The following ERBB2 variants were observed in gnomAD, a reference collection of about 807,000 sequenced individuals.
ERBB2 encodes the protein erb-b2 receptor tyrosine kinase 2.
In ERBB2, 61 loss-of-function variants were observed where a neutral mutation model predicts 149.0. That is an observed-to-expected ratio of 0.41 (90% CI 0.33 to 0.51). ERBB2 has a LOEUF of 0.51. ERBB2 is among the 20% of genes least tolerant of loss of function. The pLI, the probability that ERBB2 is intolerant of heterozygous loss-of-function variation, is 0.25. For missense variants in ERBB2, 1,205 were observed against 1,655.1 expected, an observed-to-expected ratio of 0.73 and a Z score of 4.72; for synonymous variants, 633 against 678.8, an observed-to-expected ratio of 0.93 and a Z score of 1.05.
At chr17:39,703,473 C>T (rs1482014095) in intron 1 of ERBB2, 1 of 152,204 alleles carries the variant, frequency 6.6e-6, no homozygotes, top group Non-Finnish European at 1.5e-5. Flanking sequence ...ATTATTCTAG[C>T]GAATGTTTGT....
At chr17:39,714,916 C>T (rs1336847230) in intron 9 of ERBB2, among the ~76,000 whole-genome samples, 4 of 151,606 alleles carry the variant, frequency 2.6e-5, no homozygotes, top group East Asian at 1.9e-4. Context: ...ACTATAGGCG[C>T]GCGGCACCAC....
chr17:39,717,236 A>C (rs2059184159), intron 14 of ERBB2, 84 bp from the exon 15 acceptor site: 1 of 1,223,136 alleles, frequency 8.2e-7, no homozygotes, highest in South Asian at 1.7e-5. Context: ...TGGGAAGCAC[A>C]AAGGGGACCC....
Position 39,725,477 on chromosome 17 carries a change from G to C in ERBB2, c.2725+75G>C. ...GGGAGGATGAGAGCTGGGATGGGGA[G>C]AATTACGGGGCCACCTCAGCATGTG... On this transcript the variant is annotated intron_variant, in intron 22 of 26. Transcript: ENST00000269571. This position sits in a 1 kb window ranked among gnomAD's most constrained non-coding sequence, Gnocchi z 4.6. The C allele has an allele frequency of 1.4e-6, 2 of 1,466,514 alleles. No individual in the cohort carries two copies. The highest frequency in any genetic ancestry group is 2.3e-5 in the South Asian group (2 of 86,408). The allele number at this position is 1,466,514 out of a possible 1,614,324, so 90.8% of individuals were successfully genotyped here.
In ERBB2 at chr17:39,725,227, A is replaced by G. The variant is rs776323888; in HGVS notation, c.2649+23A>G. ...AAGGTTAGGTGAAGGACCAAGGAGC[A>G]GAGGAGGCTGGGTGGAGTGGTGTCT... On this transcript the variant is annotated intron_variant, in intron 21 of 26. Transcript: ENST00000269571. This position sits in a 1 kb window ranked among gnomAD's most constrained non-coding sequence, Gnocchi z 4.6. The G allele has an allele frequency of 5.0e-6, 8 of 1,614,126 alleles. 1 individual carries two copies. In the South Asian group the frequency reaches 7.7e-5, roughly 16 times the overall value.
upstream of ERBB2, among the ~76,000 whole-genome samples, chr17:39,698,708 T>C (rs1440567573): frequency 6.6e-6 from 1 of 152,080 alleles, no homozygotes; most frequent in Non-Finnish European, 1.5e-5. Flanking sequence ...AGTGTATACC[T>C]GTAAAGAGGT....
At chr17:39,691,039 A>G (rs995116526), upstream of ERBB2, among the ~76,000 whole-genome samples, 4 of 151,180 alleles carry the variant, frequency 2.6e-5, no homozygotes, top group African/African-American at 9.7e-5. Flanking sequence ...TCCGTTTCAA[A>G]AAAAAAAAAA....
At position 39,724,903 on chromosome 17, in the gene ERBB2, AT is replaced by A; in HGVS notation, c.2487del (p.Ile829MetfsTer5). The A allele has an allele frequency of 6.2e-7, 1 of 1,613,996 alleles. No individual in the cohort carries two copies. The highest frequency in any genetic ancestry group is 8.5e-7 in the Non-Finnish European group (1 of 1,179,888). On this transcript the variant is annotated frameshift_variant, in exon 20 of 27. Transcript: ENST00000269571. LOFTEE classifies it high-confidence loss of function. ...SQDLLNWCMQIAKGMSYLEDV... is the reference protein window; with the variant it reads ...SQDLLNWCMQXAKGMSYLEDV... ...GGACCTGCTGAACTGGTGTATGCAG[AT>A]TGCCAAGGTATGCACCTGGGCTCTT...
At chr17:39,712,243 C>A (rs752991224) in intron 8 of ERBB2, 79 bp from the exon 9 acceptor site, 33 of 1,593,634 alleles carry the variant, frequency 2.1e-5, no homozygotes, top group Non-Finnish European at 1.7e-6. Context: ...GGCCCGGACC[C>A]TGATGCTCAT....
intron 19 of ERBB2, 36 bp downstream of exon 19, chr17:39,724,046 G>A (rs1209117508): frequency 1.3e-6 from 2 of 1,494,316 alleles, no homozygotes; most frequent in South Asian, 2.3e-5. Context: ...AGGAGGACAG[G>A]AAGGACCCCA....
chr17:39,712,129 C>T, intron 8 of ERBB2, 82 bp downstream of exon 8: 1 of 1,600,070 alleles, frequency 6.2e-7, no homozygotes, highest in Non-Finnish European at 8.5e-7. Flanking sequence ...CCTGTCCTAT[C>T]CTTCCTCAGA....
chr17:39,715,004 G>A (rs1385892915), intron 9 of ERBB2, among the ~76,000 whole-genome samples: 1 of 152,104 alleles, frequency 6.6e-6, no homozygotes, highest in East Asian at 1.9e-4. Flanking sequence ...TCTTGACTTC[G>A]TGATCCGCCC....
In ERBB2 at chr17:39,723,183, A is replaced by T. The variant is rs2059540680; in HGVS notation, c.1947-136A>T. 1 of 869,364 alleles carries T rather than the reference A, an allele frequency of 1.2e-6. No homozygotes were observed. The highest frequency in any genetic ancestry group is 1.7e-5 in the South Asian group (1 of 59,502). The allele number at this position is 869,364 out of a possible 1,614,324, so 53.9% of individuals were successfully genotyped here. ...GAGCCAAGGCAGGTTTTAGAGTAGG[A>T]GAGGGTCCAAGCCTGTGGGTCACCC... On this transcript the variant is annotated intron_variant, in intron 16 of 26. Transcript: ENST00000269571. This position sits in a 1 kb window ranked among gnomAD's most constrained non-coding sequence, Gnocchi z 6.2.
upstream of ERBB2, among the ~76,000 whole-genome samples, chr17:39,692,871 T>C (rs1340151500): frequency 2.0e-5 from 3 of 151,256 alleles, no homozygotes; most frequent in Non-Finnish European, 4.4e-5. Context: ...AAGACCGGCC[T>C]GACCAAAACG....
upstream of ERBB2, among the ~76,000 whole-genome samples, chr17:39,691,904 T>TAGATATAGATAC (rs1386573320): frequency 1.4e-4 from 16 of 114,536 alleles, no homozygotes; most frequent in South Asian, 2.6e-4. Context: ...GATATAGATA[T>TAGATATAGATAC]ATATACATAT....
rs2059722046 is a variant in ERBB2 at position 39,725,790 on chromosome 17, A to G, written c.2809A>G (p.Lys937Glu). ...CCGGGAGATCCCTGACCTGCTGGAAAAGGGGGAGCGGCTGCCCCAGCCCCC... is the reference window on the plus strand; with the variant it reads ...CCGGGAGATCCCTGACCTGCTGGAAGAGGGGGAGCGGCTGCCCCAGCCCCC... Reference protein sequence around the residue: ...PAREIPDLLEKGERLPQPPIC... With the variant: ...PAREIPDLLEEGERLPQPPIC... Residue 937 changes from lysine to glutamate, a missense_variant, in exon 23 of 27, where the codon AAG (lysine) becomes GAG (glutamate). Transcript: ENST00000269571. The surrounding 1 kb of genome is among the most constrained non-coding windows in gnomAD (Gnocchi z 4.6). 6.2e-7 allele frequency: 1 copy of G among 1,613,330 alleles called. No individual in the cohort carries two copies. Among genetic ancestry groups the G allele is most frequent in the South Asian group, 1.1e-5 (1 of 91,044 alleles).
Position 39,726,527 on chromosome 17 carries a change from C to G in ERBB2, c.2873-35C>G, listed in dbSNP as rs2143124330. ...GGGAGAGGCAGCAAGCACACAGGGC[C>G]TGGGACTAGCATGCTGACCTCCCTC... On this transcript the variant is annotated intron_variant, in intron 23 of 26. Transcript: ENST00000269571. The surrounding 1 kb of genome is among the most constrained non-coding windows in gnomAD (Gnocchi z 5.1). 6.4e-7 allele frequency: 1 copy of G among 1,572,906 alleles called. No homozygotes were observed. Among genetic ancestry groups the G allele is most frequent in the Non-Finnish European group, 8.8e-7 (1 of 1,142,462 alleles).
At chr17:39,707,994 C>T (rs186486287) in intron 2 of ERBB2, 7 of 235,454 alleles carry the variant, frequency 3.0e-5, no homozygotes, top group East Asian at 1.8e-4. Flanking sequence ...AGTGAAACTC[C>T]GTCTCAAAAA....
chr17:39,689,471 T>G (rs558903711), intron 2 of ERBB2, among the ~76,000 whole-genome samples: 1 of 150,466 alleles, frequency 6.6e-6, no homozygotes, highest in African/African-American at 2.5e-5. Context: ...TACAATACTG[T>G]TTTTTTTTCT....
intron 14 of ERBB2, 28 bp downstream of exon 14, chr17:39,716,633 G>A: frequency 1.2e-6 from 2 of 1,602,604 alleles, no homozygotes; most frequent in Non-Finnish European, 1.7e-6. Flanking sequence ...TCAGAGCTGG[G>A]TGGAGGGGGG....
Sources: allele counts gnomAD v4.1 joint callset (sites outside exome capture counted in the v4.1 genomes callset), GRCh38; gene constraint gnomAD v4.1.1; non-coding constraint Gnocchi (gnomAD v3.1); transcripts MANE v1.5; gene names NCBI Gene and HGNC (gene_info 2026-07-23, HGNC 2026-07-21).